Variants in FSIP2 observed in about 807,000 individuals in gnomAD.
The protein encoded by FSIP2 is fibrous sheath-interacting protein 2.
A neutral mutation model predicts 510.5 loss-of-function variants in FSIP2; 367 were observed. The ratio of observed to expected loss-of-function variants is 0.72; its 90% confidence interval spans 0.66 to 0.78. The LOEUF (loss-of-function observed/expected upper bound fraction) is 0.78, where lower values mean the gene tolerates loss of function less well. Among genes scored for constraint, FSIP2 ranks in the 30% least tolerant of loss-of-function variants. The pLI is 0.00. For missense variants in FSIP2, 7,594 were observed against 7,901.7 expected, an observed-to-expected ratio of 0.96 and a Z score of 1.48; for synonymous variants, 2,601 against 2,732.2, an observed-to-expected ratio of 0.95 and a Z score of 1.50.
At position 185,791,009 on chromosome 2, in the gene FSIP2, T is replaced by G. The variant is rs1693110172; in HGVS notation, c.3873T>G (p.Leu1291=). 6.5e-7 allele frequency: 1 copy of G among 1,529,770 alleles called. No individual in the cohort carries two copies. Among genetic ancestry groups the G allele is most frequent in the African/African-American group, 1.4e-5 (1 of 72,794 alleles). 94.8% of individuals were successfully genotyped at this position (1,529,770 alleles called of 1,614,324 possible). ...TCAAATCTTCATTACGATCTCAACT[T>G]AGTAAGTACACAGCTAAAATAGTAA... ...MGFKSSLRSQ[L]SKYTAKIVNI... The change falls in exon 16 of 23, where the codon CTT becomes CTG. Residue 1291 remains leucine, a synonymous_variant. Transcript: ENST00000424728.
Position 185,792,119 on chromosome 2 carries a change from C to T in FSIP2, c.4983C>T (p.Thr1661=). 6.5e-7 allele frequency: 1 copy of T among 1,533,674 alleles called. No individual in the cohort carries two copies. Residue 1661 remains threonine (T), a synonymous_variant, in exon 16 of 23, where the codon ACC becomes ACT. Coordinates refer to ENST00000424728, the MANE Select transcript of FSIP2 (RefSeq NM_173651.4). ...TTATTCAAACAGAATTAAATGTGACCTCATCAGATTTGAAGACAAGTGTAG... is the reference window on the plus strand; with the variant it reads ...TTATTCAAACAGAATTAAATGTGACTTCATCAGATTTGAAGACAAGTGTAG... ...LKVIQTELNV[T]SSDLKTSVEN...
intron 1 of FSIP2, 121 bp from the exon 2 acceptor site, chr2:185,739,225 A>G (rs965890032): frequency 5.0e-6 from 6 of 1,204,652 alleles, no homozygotes; most frequent in African/African-American, 3.1e-5. Context: ...GGACTTCAGG[A>G]TGCCCCGAAC....
At chr2:185,775,525 G>A (rs947626473) in intron 13 of FSIP2, among the ~76,000 whole-genome samples, 1 of 151,812 alleles carries the variant, frequency 6.6e-6, no homozygotes, top group Non-Finnish European at 1.5e-5. Context: ...CCATTTTGTA[G>A]GTTGCCTGTT....
chr2:185,794,958 G>A lies in FSIP2; in HGVS notation c.7822G>A (p.Val2608Ile). Reference protein sequence around the residue: ...RYAISQAYSYVDSQNISVMEN... With the variant: ...RYAISQAYSYIDSQNISVMEN... ...TGCGATATCACAGGCTTATTCTTAT[G>A]TCGACAGTCAAAATATCTCTGTGAT... The change falls in exon 16 of 23, where the codon GTC becomes ATC. Residue 2608 changes from valine (V) to isoleucine (I), a missense_variant. Coordinates refer to ENST00000424728, the MANE Select transcript of FSIP2 (RefSeq NM_173651.4). 1 of 1,533,568 alleles carries A rather than the reference G, an allele frequency of 6.5e-7. No individual in the cohort carries two copies. The highest frequency in any genetic ancestry group is 8.7e-7 in the Non-Finnish European group (1 of 1,145,166). The allele number at this position is 1,533,568 out of a possible 1,614,324, so 95.0% of individuals were successfully genotyped here.
At chr2:185,809,282 A>T in intron 17 of FSIP2, 149 bp downstream of exon 17, 1 of 815,192 alleles carries the variant, frequency 1.2e-6, no homozygotes, top group South Asian at 2.5e-5. Flanking sequence ...CAGTTCATCC[A>T]TACAGTCATA....
In FSIP2 at chr2:185,804,531, A is replaced by T; in HGVS notation, c.15225A>T (p.Ser5075=). 6.6e-7 allele frequency: 1 copy of T among 1,519,918 alleles called. No homozygotes were observed. The highest frequency in any genetic ancestry group is 2.1e-5 in the Admixed American group (1 of 48,042). The allele number at this position is 1,519,918 out of a possible 1,614,324, so 94.2% of individuals were successfully genotyped here. ...ATTATCAAGTGCAGTCATTAGTTTC[A>T]GGAGAATTAGAGTCTTCTTCTTATT... ...IYDYQVQSLV[S]GELESSSYSY... is the part of the protein sequence containing the mutation. Residue 5075 remains serine (S), a synonymous_variant, in exon 17 of 23, where the codon TCA becomes TCT. Coordinates refer to ENST00000424728, the MANE Select transcript of FSIP2 (RefSeq NM_173651.4).
intron 13 of FSIP2, among the ~76,000 whole-genome samples, chr2:185,770,348 T>C (rs1692581616): frequency 6.6e-6 from 1 of 152,146 alleles, no homozygotes; most frequent in Admixed American, 6.6e-5. Context: ...GTGAATCACA[T>C]TGCAATCCTG....
At position 185,800,512 on chromosome 2, in the gene FSIP2, A is replaced by G. The variant is rs936332161; in HGVS notation, c.11206A>G (p.Asn3736Asp). 31 of 1,532,634 alleles carry G rather than the reference A, an allele frequency of 2.0e-5. No homozygotes were observed. Among genetic ancestry groups the G allele is most frequent in the Non-Finnish European group, 2.6e-5 (30 of 1,145,260 alleles). 94.9% of individuals were successfully genotyped at this position (1,532,634 alleles called of 1,614,324 possible). The stretch of plus-strand genomic sequence containing the variant: ...CTACTCCTCGAATAATGAGCAACCT[A>G]ATAGCATACTTACCAATAACCTACA... ...YFYSSNNEQP[N>D]SILTNNLQLS... The change falls in exon 17 of 23, where the codon AAT (asparagine) becomes GAT (aspartate). Residue 3736 changes from asparagine to aspartate, a missense_variant. Physicochemically the swap from Asn to Asp is conservative, Grantham distance 23. Coordinates refer to ENST00000424728, the MANE Select transcript of FSIP2 (RefSeq NM_173651.4).
Position 185,813,395 on chromosome 2 carries a change from A to G in FSIP2, c.19828-150A>G, listed in dbSNP as rs566278418. The G allele has an allele frequency of 8.9e-6, 4 of 448,458 alleles. No homozygotes were observed. In the East Asian group the frequency reaches 1.5e-4, roughly 17 times the overall value. 27.8% of individuals were successfully genotyped at this position (448,458 alleles called of 1,614,324 possible). A position where few individuals can be genotyped will look rare whatever the true frequency, so the allele number is the denominator to read the frequency against. On this transcript the variant is annotated intron_variant, in intron 17 of 22. Transcript: ENST00000424728. ...TTTGTTATTTGTCTTTATTTCTTTT[A>G]AAAATATTGCTAATATATAATTAAG...
intron 7 of FSIP2, among the ~76,000 whole-genome samples, chr2:185,750,603 G>GTTTTTTTT (rs71014622): frequency 2.2e-5 from 3 of 136,436 alleles, no homozygotes; most frequent in Non-Finnish European, 3.2e-5. Flanking sequence ...GCATTTCTCT[G>GTTTTTTTT]TTTTTTTTTT....
chr2:185,828,916 C>A (rs1332602417), intron 21 of FSIP2, among the ~76,000 whole-genome samples: 1 of 151,758 alleles, frequency 6.6e-6, no homozygotes, highest in Admixed American at 6.6e-5. Flanking sequence ...CAATATAGTA[C>A]GATTTTCAGA....
rs267599116 is a variant in FSIP2 at position 185,831,862 on chromosome 2, C to T, written c.20567C>T (p.Pro6856Leu). 6.2e-7 allele frequency: 1 copy of T among 1,604,728 alleles called. No individual in the cohort carries two copies. Among genetic ancestry groups the T allele is most frequent in the Non-Finnish European group, 8.5e-7 (1 of 1,172,464 alleles). The change falls in exon 22 of 23, where the codon CCC (proline) becomes CTC (leucine). Residue 6856 changes from proline (P) to leucine (L), a missense_variant. Pro to Leu is a moderately conservative substitution (Grantham distance 98). Coordinates refer to ENST00000424728, the MANE Select transcript of FSIP2 (RefSeq NM_173651.4). ...AAGGATGTTCTTGGCAGTGCAAATC[C>T]CTCAAAGGAAGTCATTTCAGGTACA... ...RSKDVLGSAN[P>L]SKEVISETPK...
chr2:185,801,145 CAG>C lies in FSIP2; in HGVS notation c.11843_11844del (p.Arg3948AsnfsTer6). Reference protein sequence around the residue: ...KSSSVSPFERQRTKEMDKVAI... With the variant: ...KSSSVSPFERXRTKEMDKVAI... ...CTCTTCTGTGTCACCTTTTGAAAGA[CAG>C]AGAACAAAGGAAATGGATAAGGTAG... On this transcript the variant is annotated frameshift_variant, in exon 17 of 23. Transcript: ENST00000424728. LOFTEE classifies it high-confidence loss of function. The C allele has an allele frequency of 6.5e-7, 1 of 1,533,720 alleles. No individual in the cohort carries two copies. The highest frequency in any genetic ancestry group is 2.5e-5 in the East Asian group (1 of 40,816).
intron 13 of FSIP2, chr2:185,765,916 G>T (rs1156566501): frequency 1.3e-5 from 2 of 149,476 alleles, no homozygotes; most frequent in Admixed American, 6.7e-5. Flanking sequence ...ATTGTGAATG[G>T]GAGTTCACTC....
intron 13 of FSIP2, among the ~76,000 whole-genome samples, chr2:185,770,277 A>G (rs1692579896): frequency 6.6e-6 from 1 of 152,098 alleles, no homozygotes; most frequent in Non-Finnish European, 1.5e-5. Context: ...CTCAGTGCAG[A>G]GATCTTGAAC....
In FSIP2 at chr2:185,805,617, C is replaced by A. The variant is rs776292118; in HGVS notation, c.16311C>A (p.Asn5437Lys). The A allele has an allele frequency of 6.2e-7, 1 of 1,608,750 alleles. No homozygotes were observed. Residue 5437 changes from asparagine to lysine, a missense_variant, in exon 17 of 23, where the codon AAC (asparagine) becomes AAA (lysine). Physicochemically the swap from Asn to Lys is moderately conservative, Grantham distance 94. Transcript: ENST00000424728. ...AAATAAGCAGATGTGCAAAAGAGAA[C>A]CAACTTTCTTTACCAGATCAATCAT... ...FTQISRCAKENQLSLPDQSYK... is the reference protein window; with the variant it reads ...FTQISRCAKEKQLSLPDQSYK...
In FSIP2 at chr2:185,801,201, T is replaced by C; in HGVS notation, c.11895T>C (p.Gly3965=). The part of the protein sequence containing the change: ...VAIHNKLHQE[G]IYAGVYSATF... ...TTCATAATAAGCTACATCAGGAAGG[T>C]ATATATGCTGGTGTTTATTCAGCCA... The change falls in exon 17 of 23, where the codon GGT becomes GGC. Residue 3965 remains glycine (G), a synonymous_variant. Transcript: ENST00000424728. 5.2e-6 allele frequency: 8 copies of C among 1,534,198 alleles called. No individual in the cohort carries two copies. The highest frequency in any genetic ancestry group is 7.0e-6 in the Non-Finnish European group (8 of 1,145,578).
Position 185,789,877 on chromosome 2 carries a change from G to T in FSIP2, c.2741G>T (p.Gly914Val), listed in dbSNP as rs961990436. 5.9e-6 allele frequency: 9 copies of T among 1,531,738 alleles called. No homozygotes were observed. The African/African-American group carries it at 1.2e-4, about 21-fold the overall frequency. 94.9% of individuals were successfully genotyped at this position (1,531,738 alleles called of 1,614,324 possible). The change falls in exon 16 of 23, where the codon GGT becomes GTT. Residue 914 changes from glycine (G) to valine (V), a missense_variant. Coordinates refer to ENST00000424728, the MANE Select transcript of FSIP2 (RefSeq NM_173651.4). ...YIEEAINAILGYIQTELNNER... is the reference protein window; with the variant it reads ...YIEEAINAILVYIQTELNNER... The stretch of plus-strand genomic sequence containing the variant: ...GAGGAAGCAATCAATGCTATACTAG[G>T]TTATATACAAACTGAACTAAATAAT...
At chr2:185,756,722 C>T (rs1447938014) in intron 9 of FSIP2, among the ~76,000 whole-genome samples, 2 of 151,084 alleles carry the variant, frequency 1.3e-5, no homozygotes, top group African/African-American at 2.4e-5. Context: ...CATTAGAGCT[C>T]ATTGAAAGAT....
Sources: gnomAD v4.1 joint callset for allele counts (sites outside exome capture counted in the v4.1 genomes callset) on GRCh38, gnomAD v4.1.1 for gene constraint, MANE v1.5 for transcripts, NCBI Gene and HGNC (gene_info 2026-07-23, HGNC 2026-07-21) for gene names.